Variants in GRIA1 observed in about 807,000 individuals in gnomAD.
GRIA1 encodes the protein glutamate ionotropic receptor AMPA type subunit 1.
In GRIA1, 31 loss-of-function variants were observed where a neutral mutation model predicts 99.2. The ratio of observed to expected loss-of-function variants is 0.31; its 90% CI spans 0.23 to 0.42. The LOEUF is 0.42. Among genes scored for constraint, GRIA1 ranks in the 10% least tolerant of loss-of-function variants. The probability of loss-of-function intolerance (pLI) is 1.00; values close to 1 mark genes in which losing one functional copy is unlikely to be tolerated. For synonymous variants in GRIA1, 438 were observed against 432.4 expected, an observed-to-expected ratio of 1.01 and a Z score of -0.16; for missense variants, 782 against 1,157.5, an observed-to-expected ratio of 0.68 and a Z score of 4.71.
intron 13 of GRIA1, among the ~76,000 whole-genome samples, chr5:153,779,806 C>T (rs1311290609): frequency 6.6e-6 from 1 of 152,118 alleles, no homozygotes; most frequent in East Asian, 1.9e-4. Context: ...ATGATCCATC[C>T]GCCTCGGCCT....
intron 5 of GRIA1, among the ~76,000 whole-genome samples, chr5:153,663,408 A>G (rs1755515568): frequency 6.6e-6 from 1 of 152,228 alleles, no homozygotes; most frequent in South Asian, 2.1e-4. Context: ...AGCAAAGCCA[A>G]GAAATAAACT....
At chr5:153,759,303 G>C (rs1277620412) in intron 11 of GRIA1, among the ~76,000 whole-genome samples, 1 of 151,544 alleles carries the variant, frequency 6.6e-6, no homozygotes, top group African/African-American at 2.4e-5. Context: ...AGATAAAACT[G>C]ACGAACCTTT....
intron 2 of GRIA1, among the ~76,000 whole-genome samples, chr5:153,601,701 G>A (rs1764978005): frequency 6.6e-6 from 1 of 152,262 alleles, no homozygotes; most frequent in African/African-American, 2.4e-5. Context: ...GGGAGAGCCA[G>A]TTTGCAACCC....
intron 8 of GRIA1, among the ~76,000 whole-genome samples, chr5:153,696,855 G>GGTGTGT (rs1218399677): frequency 8.4e-4 from 94 of 111,402 alleles, no homozygotes; most frequent in African/African-American, 2.6e-3. Flanking sequence ...ATAGCTTTAG[G>GGTGTGT]GTGTGTATGT....
rs560901758 is a variant in GRIA1, at chr5:153,638,693, C to T, written c.221-8235C>T. ...TGTCTTATATGAGGCACTTTTTCAG[C>T]TGGGGCTTCCTCATATCCTTCCAAA... On this transcript the variant is annotated intron_variant, in intron 2 of 15. Transcript: ENST00000285900. 2.1e-4 allele frequency among the ~76,000 whole-genome samples: 32 copies of T among 152,318 alleles called. No individual in the cohort carries two copies. The South Asian group carries it at 6.6e-3, about 32-fold the overall frequency.
At chr5:153,682,094 G>C (rs1269635844) in intron 7 of GRIA1, among the ~76,000 whole-genome samples, 1 of 151,698 alleles carries the variant, frequency 6.6e-6, no homozygotes, top group Non-Finnish European at 1.5e-5. Flanking sequence ...AGCTGCATGA[G>C]ACAGTCAGAG....
At chr5:153,543,045 G>A (rs1428260412) in intron 2 of GRIA1, among the ~76,000 whole-genome samples, 6 of 152,134 alleles carry the variant, frequency 3.9e-5, no homozygotes. Context: ...CATAGAGTAT[G>A]GGTCATAACT....
Position 153,770,165 on chromosome 5 carries a change from C to A in GRIA1, c.2023-3C>A. 1.2e-6 allele frequency: 2 copies of A among 1,613,534 alleles called. No homozygotes were observed. Among genetic ancestry groups the A allele is most frequent in the Non-Finnish European group, 1.7e-6 (2 of 1,179,564 alleles). ...ATTCCAGCTTTGTTTCTGTCCCTACCAGAGGTCTAAAATTGCTGTGTTTGA... is the reference window on the plus strand; with the variant it reads ...ATTCCAGCTTTGTTTCTGTCCCTACAAGAGGTCTAAAATTGCTGTGTTTGA... On this transcript the variant is annotated splice_region_variant and splice_polypyrimidine_tract_variant and intron_variant, in intron 12 of 15. Transcript: ENST00000285900.
chr5:153,773,683 A>G (rs973695479), intron 13 of GRIA1, among the ~76,000 whole-genome samples: 1 of 152,168 alleles, frequency 6.6e-6, no homozygotes, highest in African/African-American at 2.4e-5. Flanking sequence ...CAAAAAAGAG[A>G]GCAAAAGAAA....
In GRIA1 at chr5:153,811,374, A is replaced by G; in HGVS notation, c.*149A>G. On this transcript the variant is annotated 3_prime_UTR_variant, in exon 16 of 16. Coordinates refer to ENST00000285900, the MANE Select transcript of GRIA1 (RefSeq NM_000827.4). ...AGGATGATTCAACAGGTTTTCCTGA[A>G]GAATTGAAAAACCATTTTGCTGTCC... is the stretch of plus-strand genomic sequence containing the variant. 1 of 623,710 alleles carries G rather than the reference A, an allele frequency of 1.6e-6. No individual in the cohort carries two copies. The highest frequency in any genetic ancestry group is 1.9e-5 in the South Asian group (1 of 51,450). The allele number at this position is 623,710 out of a possible 1,614,324, so 38.6% of individuals were successfully genotyped here.
chr5:153,758,222 G>A (rs1389576547), intron 11 of GRIA1, among the ~76,000 whole-genome samples: 1 of 151,990 alleles, frequency 6.6e-6, no homozygotes, highest in East Asian at 1.9e-4. Flanking sequence ...TACCTGAAAT[G>A]TAATTGCTTA....
At chr5:153,490,659 TTCCCGTGCTCAGTTAA>T (rs1364202296) in exon 1 of GRIA1, 1 of 584,074 alleles carries the variant, frequency 1.7e-6, no homozygotes, top group East Asian at 2.9e-5. Context: ...CGGGCTTCTT[TTCCCGTGCTCAGTTAA>T]TCTGGCTGTC....
At chr5:153,609,722 C>T (rs1765806841) in intron 2 of GRIA1, among the ~76,000 whole-genome samples, 1 of 151,832 alleles carries the variant, frequency 6.6e-6, no homozygotes, top group African/African-American at 2.4e-5. Context: ...ACCACCACAC[C>T]CAGCTAATTT....
At chr5:153,682,982 A>G (rs1381574670) in intron 7 of GRIA1, among the ~76,000 whole-genome samples, 1 of 152,190 alleles carries the variant, frequency 6.6e-6, no homozygotes, top group Non-Finnish European at 1.5e-5. Context: ...GCCCAAGGTT[A>G]ATTCTCCATC....
chr5:153,675,707 AC>A (rs1756521082), intron 6 of GRIA1, among the ~76,000 whole-genome samples: 1 of 152,234 alleles, frequency 6.6e-6, no homozygotes, highest in Non-Finnish European at 1.5e-5. Context: ...AATAATGAAG[AC>A]TTATTTCAAT....
chr5:153,564,317 A>G (rs1761425412), intron 2 of GRIA1, among the ~76,000 whole-genome samples: 1 of 152,180 alleles, frequency 6.6e-6, no homozygotes, highest in Non-Finnish European at 1.5e-5. Context: ...AAATGCTGGT[A>G]AGAAGTTTTT....
chr5:153,542,130 A>G (rs1439233378), intron 2 of GRIA1, among the ~76,000 whole-genome samples: 1 of 151,972 alleles, frequency 6.6e-6, no homozygotes, highest in Non-Finnish European at 1.5e-5. Flanking sequence ...ACCTGAGCCT[A>G]TTATACCCCA....
At chr5:153,495,245 G>A (rs1432765915) in intron 2 of GRIA1, among the ~76,000 whole-genome samples, 1 of 152,174 alleles carries the variant, frequency 6.6e-6, no homozygotes, top group Non-Finnish European at 1.5e-5. Flanking sequence ...TCATTACCAT[G>A]TATTAAGCAC....
intron 2 of GRIA1, among the ~76,000 whole-genome samples, chr5:153,523,073 A>G (rs1351097881): frequency 6.9e-6 from 1 of 145,682 alleles, no homozygotes; most frequent in East Asian, 2.0e-4. Flanking sequence ...GACCTGATCC[A>G]TTTTATTATT....
Sources: gnomAD v4.1 joint callset for allele counts (sites outside exome capture counted in the v4.1 genomes callset) on GRCh38, gnomAD v4.1.1 for gene constraint, MANE v1.5 for transcripts, NCBI Gene and HGNC (gene_info 2026-07-23, HGNC 2026-07-21) for gene names.